C16orf96: variants seen among roughly 807,000 people sequenced by gnomAD.
The protein encoded by C16orf96 is uncharacterized protein C16orf96.
C16orf96 carries 108 observed loss-of-function variants against 103.6 expected under a neutral mutation model. The observed-to-expected ratio is 1.04, with a 90% CI of 0.89 to 1.22. C16orf96 has a LOEUF of 1.22. Ranked by LOEUF, C16orf96 falls within the 50% of genes most tolerant of loss-of-function variation. C16orf96 has a pLI of 0.00. For synonymous variants in C16orf96, 566 were observed against 593.5 expected (o/e 0.95, Z 0.67); for missense variants, 1,586 against 1,464.2 (o/e 1.08, Z -1.36).
chr16:4,559,379 C>CTAAAAA (rs1197783708), intron 1 of C16orf96, among the ~76,000 whole-genome samples: 1 of 151,314 alleles, frequency 6.6e-6, no homozygotes, highest in Non-Finnish European at 1.5e-5. Context: ...CCCGTCTCTA[C>CTAAAAA]TAAAAATAAA....
At chr16:4,545,038 A>G in the C16orf96 span, among the ~76,000 whole-genome samples, 1 of 152,194 alleles carries the variant, frequency 6.6e-6, no homozygotes, top group East Asian at 1.9e-4. Flanking sequence ...ATATCATAGC[A>G]TGGATGTTTA....
In C16orf96 at chr16:4,576,239, C is replaced by T. The variant is rs1183573929; in HGVS notation, c.1759C>T (p.Gln587Ter). ...CGCCGCTGCCACATCCTCCGCTGCC[C>T]AGGCAGCCAAAGTTGCTGCCAAGTT... is the stretch of plus-strand genomic sequence containing the variant. ...AYAAATSSAA[Q>*]AAKVAAKFVK... is the part of the protein sequence containing the mutation. Residue 587 changes from glutamine to a stop codon, truncating the protein, a stop_gained, in exon 5 of 16, where the codon CAG becomes TAG. Coordinates refer to ENST00000444310, the MANE Select transcript of C16orf96 (RefSeq NM_001145011.2). LOFTEE classifies it high-confidence loss of function. 2.6e-6 allele frequency: 4 copies of T among 1,550,786 alleles called. No individual in the cohort carries two copies. Among genetic ancestry groups the T allele is most frequent in the Non-Finnish European group, 3.5e-6 (4 of 1,146,982 alleles).
At chr16:4,573,895 A>G (rs954552136) in intron 2 of C16orf96, among the ~76,000 whole-genome samples, 32 of 149,000 alleles carry the variant, frequency 2.1e-4, no homozygotes, top group East Asian at 1.6e-3. Context: ...GTGCAGTGGC[A>G]CGATCTCAGC....
chr16:4,595,087 C>G (rs1897143621), intron 14 of C16orf96, among the ~76,000 whole-genome samples: 2 of 152,184 alleles, frequency 1.3e-5, no homozygotes, highest in Non-Finnish European at 2.9e-5. Context: ...GGACGATGAG[C>G]TAGGAAAGGT....
chr16:4,589,595 A>G (rs1194320673), intron 9 of C16orf96, among the ~76,000 whole-genome samples: 2 of 149,150 alleles, frequency 1.3e-5, no homozygotes, highest in Non-Finnish European at 1.5e-5. Flanking sequence ...GTGAAACCCT[A>G]TCTCACAAAA....
chr16:4,600,497 C>CG lies in C16orf96; in HGVS notation c.*180_*181insG. ...GAGGCTGAGGCTCATGCGCCCCCCC[C>CG]CATCCCTACCAAGTCCCCTCCACGT... On this transcript the variant is annotated 3_prime_UTR_variant, in exon 16 of 16. Coordinates refer to ENST00000444310, the MANE Select transcript of C16orf96 (RefSeq NM_001145011.2). The CG allele has an allele frequency of 2.1e-6, 1 of 484,854 alleles. No individual in the cohort carries two copies. 30.0% of individuals were successfully genotyped at this position (484,854 alleles called of 1,614,324 possible).
In C16orf96 at chr16:4,564,192, A is replaced by G. The variant is rs192256896; in HGVS notation, c.420+7283A>G. 4.6e-5 allele frequency among the ~76,000 whole-genome samples: 7 copies of G among 152,156 alleles called. No homozygotes were observed. In the East Asian group the frequency reaches 1.4e-3, roughly 30 times the overall value. ...TTAAAAAAAAGAAGAAGAAAAGATTAGTGGTAACTGGTTTTGCTTTGTTTT... is the reference window on the plus strand; with the variant it reads ...TTAAAAAAAAGAAGAAGAAAAGATTGGTGGTAACTGGTTTTGCTTTGTTTT... On this transcript the variant is annotated intron_variant, in intron 1 of 15. Coordinates refer to ENST00000444310, the MANE Select transcript of C16orf96 (RefSeq NM_001145011.2).
chr16:4,575,771 G>T lies in C16orf96; in HGVS notation c.1291G>T (p.Gly431Cys). Residue 431 changes from glycine (G) to cysteine (C), a missense_variant, in exon 5 of 16, where the codon GGC (glycine) becomes TGC (cysteine). Physicochemically the swap from Gly to Cys is radical, Grantham distance 159. Coordinates refer to ENST00000444310, the MANE Select transcript of C16orf96 (RefSeq NM_001145011.2). ...SRAPPPATEFGSLWPRPLQPY... is the reference protein window; with the variant it reads ...SRAPPPATEFCSLWPRPLQPY... ...GGCCCCACCACCAGCCACTGAGTTT[G>T]GCTCATTGTGGCCTCGACCACTCCA... The T allele has an allele frequency of 6.5e-7, 1 of 1,549,994 alleles. No homozygotes were observed. The highest frequency in any genetic ancestry group is 1.2e-5 in the South Asian group (1 of 83,946).
At chr16:4,558,602 C>T (rs1328750901) in intron 1 of C16orf96, among the ~76,000 whole-genome samples, 1 of 151,478 alleles carries the variant, frequency 6.6e-6, no homozygotes, top group Non-Finnish European at 1.5e-5. Flanking sequence ...ACAGAGCAAG[C>T]CCCTGTGTCT....
intron 5 of C16orf96, among the ~76,000 whole-genome samples, chr16:4,577,871 A>C (rs1016257705): frequency 6.6e-6 from 1 of 152,098 alleles, no homozygotes; most frequent in African/African-American, 2.4e-5. Flanking sequence ...CAGGAGAAAC[A>C]CTTTGAACCC....
chr16:4,568,475 T>G (rs578217796), intron 1 of C16orf96, among the ~76,000 whole-genome samples: 1 of 152,048 alleles, frequency 6.6e-6, no homozygotes, highest in African/African-American at 2.4e-5. Context: ...ATTTATTTTA[T>G]AGTGACAGGG....
intron 1 of C16orf96, among the ~76,000 whole-genome samples, chr16:4,566,266 T>C (rs926413429): frequency 2.6e-5 from 4 of 152,212 alleles, no homozygotes; most frequent in African/African-American, 7.2e-5. Context: ...CACTGACTTC[T>C]AAAATGGCTG....
chr16:4,600,008 TC>T, intron 15 of C16orf96, 91 bp from the exon 16 acceptor site: 1 of 1,262,134 alleles, frequency 7.9e-7, no homozygotes, highest in African/African-American at 1.5e-5. Flanking sequence ...GTCCTGGGCT[TC>T]TCTTCTCTTT....
chr16:4,574,347 T>C lies in C16orf96; in HGVS notation c.526-362T>C, dbSNP rs543919736. 3.9e-3 allele frequency among the ~76,000 whole-genome samples: 589 copies of C among 152,296 alleles called. 4 individuals carry two copies. Among genetic ancestry groups the C allele is most frequent in the Middle Eastern group, 0.02 (6 of 294 alleles). ...AAGTGATTCTCCTGCCTCAGCTTCC[T>C]GATAGCTGGGATTACAGGCGCATGC... On this transcript the variant is annotated intron_variant, in intron 2 of 15. Transcript: ENST00000444310.
intron 1 of C16orf96, 23 bp from the exon 2 acceptor site, chr16:4,571,538 C>T (rs1206413851): frequency 6.5e-7 from 1 of 1,546,848 alleles, no homozygotes. Context: ...CCCGGCTTCA[C>T]ATTTTCTCCT....
chr16:4,573,886 T>G (rs549136871), intron 2 of C16orf96, among the ~76,000 whole-genome samples: 98 of 152,134 alleles, frequency 6.4e-4, no homozygotes, highest in African/African-American at 2.3e-3. Flanking sequence ...CAGGCTGGAG[T>G]GCAGTGGCAC....
intron 7 of C16orf96, among the ~76,000 whole-genome samples, chr16:4,585,833 C>T (rs541264831): frequency 6.6e-6 from 1 of 152,158 alleles, no homozygotes; most frequent in East Asian, 1.9e-4. Context: ...CTAAGTGAAG[C>T]AACTCAGGAG....
intron 2 of C16orf96, among the ~76,000 whole-genome samples, chr16:4,572,659 T>G (rs1361241125): frequency 6.6e-6 from 1 of 152,112 alleles, no homozygotes; most frequent in Non-Finnish European, 1.5e-5. Flanking sequence ...AGGCAGGTGC[T>G]CCTCAAGTCT....
At position 4,600,194 on chromosome 16, in the gene C16orf96, G is replaced by A; in HGVS notation, c.3303G>A (p.Leu1101=). 2 of 1,551,524 alleles carry A rather than the reference G, an allele frequency of 1.3e-6. No individual in the cohort carries two copies. Among genetic ancestry groups the A allele is most frequent in the Non-Finnish European group, 1.7e-6 (2 of 1,146,966 alleles). Residue 1101 remains leucine (L), a synonymous_variant, in exon 16 of 16, where the codon CTG becomes CTA. Transcript: ENST00000444310. ...RPPSLPPLLL[L]PPLIPSLRDP... ...CTTCCCTGCCACCTCTGCTGCTGCT[G>A]CCACCGCTGATTCCATCCCTAAGGG...
Sources: allele counts gnomAD v4.1 joint callset (sites outside exome capture counted in the v4.1 genomes callset), GRCh38; gene constraint gnomAD v4.1.1; transcripts MANE v1.5; gene names NCBI Gene and HGNC (gene_info 2026-07-23, HGNC 2026-07-21).